Variants in MEMO1 observed in about 807,000 individuals in gnomAD.
MEMO1 encodes the protein mediator of cell motility 1, also known as protein MEMO1.
MEMO1 carries 6 observed loss-of-function variants against 45.2 expected under a neutral mutation model. The observed-to-expected ratio is 0.13, with a 90% CI of 0.07 to 0.26. MEMO1 has a LOEUF of 0.26. MEMO1 is among the 10% of genes least tolerant of loss of function. The pLI, the probability that MEMO1 is intolerant of heterozygous loss-of-function variation, is 1.00. For synonymous variants in MEMO1, 78 were observed against 124.3 expected (o/e 0.63, Z 2.48); for missense variants, 184 against 370.5 (o/e 0.50, Z 4.13).
At chr2:31,996,413 G>A (rs1672624251) in intron 2 of MEMO1, among the ~76,000 whole-genome samples, 1 of 152,026 alleles carries the variant, frequency 6.6e-6, no homozygotes, top group East Asian at 1.9e-4. Context: ...GGGTGTGGTG[G>A]TGCACACCCG....
chr2:31,969,772 A>G (rs1319289796), intron 2 of MEMO1, among the ~76,000 whole-genome samples: 1 of 146,496 alleles, frequency 6.8e-6, no homozygotes, highest in East Asian at 2.0e-4. Flanking sequence ...ACTACACCCA[A>G]CTAACTTTTT....
chr2:31,975,474 T>G (rs1011668169), intron 2 of MEMO1, among the ~76,000 whole-genome samples: 1 of 152,176 alleles, frequency 6.6e-6, no homozygotes, highest in Admixed American at 6.5e-5. Context: ...GAACCCATTC[T>G]CTATCTCCTA....
chr2:31,962,848 G>A (rs1402131830), intron 2 of MEMO1, among the ~76,000 whole-genome samples: 1 of 152,196 alleles, frequency 6.6e-6, no homozygotes, highest in Non-Finnish European at 1.5e-5. Context: ...TTTTCTGGAT[G>A]TATCTGTGAG....
At chr2:31,936,598 G>T (rs572461637) in intron 3 of MEMO1, among the ~76,000 whole-genome samples, 1 of 152,220 alleles carries the variant, frequency 6.6e-6, no homozygotes, top group South Asian at 2.1e-4. Flanking sequence ...ACATTTACTG[G>T]TTATGTGACA....
intron 6 of MEMO1, 37 bp from the exon 7 acceptor site, chr2:31,892,171 G>A (rs1215701611): frequency 1.3e-6 from 2 of 1,547,608 alleles, no homozygotes; most frequent in African/African-American, 2.8e-5. Flanking sequence ...TGTCATTTAA[G>A]ATGCTTAAAT....
chr2:31,871,464 G>T (rs748493773), intron 8 of MEMO1, among the ~76,000 whole-genome samples: 3 of 151,288 alleles, frequency 2.0e-5, no homozygotes, highest in African/African-American at 7.3e-5. Flanking sequence ...CAGAATATTC[G>T]ACTCCTTCAC....
chr2:31,989,461 A>G (rs934938125), intron 2 of MEMO1, among the ~76,000 whole-genome samples: 1 of 152,230 alleles, frequency 6.6e-6, no homozygotes, highest in African/African-American at 2.4e-5. Context: ...AACATTTAGA[A>G]GATCTGCGTA....
intron 6 of MEMO1, among the ~76,000 whole-genome samples, chr2:31,912,620 ACT>A (rs1047268862): frequency 6.6e-6 from 1 of 152,100 alleles, no homozygotes; most frequent in African/African-American, 2.4e-5. Flanking sequence ...TAAGAAAAAA[ACT>A]TTTTAATATA....
chr2:31,887,693 C>T (rs534078920), intron 7 of MEMO1, among the ~76,000 whole-genome samples: 21 of 152,194 alleles, frequency 1.4e-4, no homozygotes, highest in African/African-American at 4.6e-4. Context: ...AAGTATTAGC[C>T]TTATCTCAAA....
intron 6 of MEMO1, among the ~76,000 whole-genome samples, chr2:31,902,360 T>A (rs1678985474): frequency 6.6e-6 from 1 of 151,814 alleles, no homozygotes; most frequent in Non-Finnish European, 1.5e-5. Context: ...ATCATGCCAC[T>A]GCACTCCAGC....
intron 6 of MEMO1, among the ~76,000 whole-genome samples, chr2:31,904,861 C>T (rs1046500930): frequency 1.3e-5 from 2 of 152,212 alleles, no homozygotes; most frequent in Non-Finnish European, 2.9e-5. Flanking sequence ...TGATCAAATT[C>T]ACTTTCAGAC....
At chr2:31,979,964 TATAG>T (rs1434577159) in intron 2 of MEMO1, among the ~76,000 whole-genome samples, 1 of 150,120 alleles carries the variant, frequency 6.7e-6, no homozygotes, top group African/African-American at 2.5e-5. Flanking sequence ...ATGGACAAAC[TATAG>T]ATAGACTATA....
At chr2:31,922,505 G>A (rs957273134) in intron 4 of MEMO1, among the ~76,000 whole-genome samples, 3 of 152,076 alleles carry the variant, frequency 2.0e-5, no homozygotes, top group Non-Finnish European at 4.4e-5. Flanking sequence ...TAAGTTCAAG[G>A]GTACCTGTAC....
intron 2 of MEMO1, among the ~76,000 whole-genome samples, chr2:31,994,486 C>T (rs1158620167): frequency 6.6e-6 from 1 of 151,448 alleles, no homozygotes; most frequent in African/African-American, 2.4e-5. Context: ...AAAAATTAGC[C>T]AGGCGTGGTG....
At chr2:31,958,298 CTGATA>C (rs1481066593) in intron 2 of MEMO1, among the ~76,000 whole-genome samples, 3 of 151,392 alleles carry the variant, frequency 2.0e-5, no homozygotes, top group East Asian at 4.0e-4. Flanking sequence ...CTGACCTTTT[CTGATA>C]TGATTTCCAG....
At chr2:32,001,175 A>G (rs575287931) in intron 2 of MEMO1, among the ~76,000 whole-genome samples, 1 of 151,128 alleles carries the variant, frequency 6.6e-6, no homozygotes, top group Admixed American at 6.6e-5. Context: ...CGTAGCTGGG[A>G]CTACAGGAGC....
intron 2 of MEMO1, among the ~76,000 whole-genome samples, chr2:31,999,935 G>T (rs1673074978): frequency 6.7e-6 from 1 of 148,874 alleles, no homozygotes; most frequent in Non-Finnish European, 1.5e-5. Flanking sequence ...CCAGGCTGGA[G>T]CGTAGTGGTG....
chr2:31,925,475 C>CAAACAAAAAAAAAAAAAAAAAAAAAAAA (rs1482874374), intron 4 of MEMO1, among the ~76,000 whole-genome samples: 1 of 79,236 alleles, frequency 1.3e-5, no homozygotes, highest in African/African-American at 7.0e-5. Context: ...GACTCCGTCT[C>CAAACAAAAAAAAAAAAAAAAAAAAAAAA]AAAAAAAAAA....
intron 6 of MEMO1, among the ~76,000 whole-genome samples, chr2:31,903,534 G>A (rs1321918696): frequency 6.6e-6 from 1 of 151,964 alleles, no homozygotes; most frequent in African/African-American, 2.4e-5. Context: ...GGCTTTTCGT[G>A]GTCATAGAAA....
Sources: allele counts gnomAD v4.1 joint callset (sites outside exome capture counted in the v4.1 genomes callset), GRCh38; gene constraint gnomAD v4.1.1; transcripts MANE v1.5; gene names NCBI Gene and HGNC (gene_info 2026-07-23, HGNC 2026-07-21).